ZC3H13: variants seen among roughly 807,000 people sequenced by gnomAD.
ZC3H13 encodes the protein zinc finger CCCH domain-containing protein 13.
ZC3H13 carries 64 observed loss-of-function variants against 204.1 expected under a neutral mutation model. The observed-to-expected ratio is 0.31, with a 90% CI of 0.26 to 0.39. ZC3H13 has a LOEUF of 0.39. Ranked by LOEUF, ZC3H13 falls within the 10% of genes least tolerant of loss-of-function variation. The probability of loss-of-function intolerance (pLI) is 1.00; values close to 1 mark genes in which losing one functional copy is unlikely to be tolerated. For missense variants in ZC3H13, 1,833 were observed against 2,082.7 expected (o/e 0.88, Z 2.33); for synonymous variants, 667 against 693.7 (o/e 0.96, Z 0.60).
At chr13:45,989,133 C>A in intron 8 of ZC3H13, 36 bp from the exon 9 acceptor site, 1 of 1,568,276 alleles carries the variant, frequency 6.4e-7, no homozygotes, top group South Asian at 1.2e-5. Context: ...AACATGTATT[C>A]AAGAGCTTCA....
chr13:46,040,977 G>A (rs937453565), intron 4 of ZC3H13, among the ~76,000 whole-genome samples: 4 of 152,140 alleles, frequency 2.6e-5, no homozygotes, highest in African/African-American at 9.7e-5. Flanking sequence ...TTCATATGCT[G>A]TCAACAATGT....
intron 1 of ZC3H13, among the ~76,000 whole-genome samples, chr13:46,050,934 C>G (rs761549267): frequency 5.9e-5 from 9 of 152,038 alleles, no homozygotes; most frequent in Non-Finnish European, 1.3e-4. Context: ...CTTTCTATAT[C>G]AACAGCAGTT....
chr13:45,991,825 C>T (rs957459315), intron 8 of ZC3H13, among the ~76,000 whole-genome samples: 14 of 152,030 alleles, frequency 9.2e-5, no homozygotes, highest in Admixed American at 2.6e-4. Context: ...TTTAGTGCTG[C>T]TATAATTAGG....
At chr13:45,991,505 T>C (rs2039969422) in intron 8 of ZC3H13, among the ~76,000 whole-genome samples, 1 of 152,212 alleles carries the variant, frequency 6.6e-6, no homozygotes, top group African/African-American at 2.4e-5. Flanking sequence ...GAAACTGTCT[T>C]GAAATCTGGT....
chr13:45,985,505 G>A lies in ZC3H13; in HGVS notation c.1512C>T (p.Ala504=). ...DPRDSRSTRD[A]HDYRDREGRD... Reference sequence around the variant, plus strand: ...GACCTTCACGGTCCCTGTAGTCATGGGCATCACGAGTGGACCGAGAATCTC... The same window carrying A: ...GACCTTCACGGTCCCTGTAGTCATGAGCATCACGAGTGGACCGAGAATCTC... Residue 504 remains alanine, a synonymous_variant, in exon 10 of 19, where the codon GCC becomes GCT. Transcript: ENST00000679008. 6.2e-7 allele frequency: 1 copy of A among 1,614,126 alleles called. No homozygotes were observed. Among genetic ancestry groups the A allele is most frequent in the South Asian group, 1.1e-5 (1 of 91,080 alleles).
At chr13:45,968,318 C>A (rs1169925444) in intron 14 of ZC3H13, among the ~76,000 whole-genome samples, 3 of 151,496 alleles carry the variant, frequency 2.0e-5, no homozygotes, top group African/African-American at 4.8e-5. Context: ...CATAAAATAT[C>A]TTCCAAGAAG....
At chr13:46,001,564 C>A (rs1023691464) in intron 8 of ZC3H13, 4 of 152,012 alleles carry the variant, frequency 2.6e-5, no homozygotes, top group Non-Finnish European at 2.9e-5. Context: ...TTAGGGATAA[C>A]CAAGGGAGAA....
intron 4 of ZC3H13, among the ~76,000 whole-genome samples, chr13:46,024,105 A>C (rs572403103): frequency 6.6e-6 from 1 of 152,326 alleles, no homozygotes; most frequent in South Asian, 2.1e-4. Context: ...AATTCCCCAA[A>C]TCACAATGCT....
intron 17 of ZC3H13, 44 bp from the exon 18 acceptor site, chr13:45,959,690 A>G (rs749447967): frequency 1.4e-6 from 2 of 1,473,194 alleles, no homozygotes; most frequent in South Asian, 2.8e-5. Context: ...ACTAAAATAG[A>G]AAAGGGTTAC....
chr13:45,993,582 G>A (rs2040118775), intron 8 of ZC3H13, among the ~76,000 whole-genome samples: 1 of 152,170 alleles, frequency 6.6e-6, no homozygotes, highest in Non-Finnish European at 1.5e-5. Flanking sequence ...TAAAAGTCTG[G>A]ATTTTATTCT....
chr13:46,046,932 C>T (rs2044011320), intron 1 of ZC3H13, among the ~76,000 whole-genome samples: 4 of 152,136 alleles, frequency 2.6e-5, no homozygotes, highest in Admixed American at 1.3e-4. Flanking sequence ...TACTATATCC[C>T]GCTTTATACA....
rs77425383 is a variant in ZC3H13 at position 45,980,075 on chromosome 13, T to C, written c.1721-71A>G. ...TCAACAAATTTCATCAGTCATAATC[T>C]TTCCTCCTAAACATCACTAATATAT... On this transcript the variant is annotated intron_variant, in intron 10 of 18. Coordinates refer to ENST00000679008, the MANE Select transcript of ZC3H13 (RefSeq NM_001330564.2). 2.7e-3 allele frequency: 3,641 copies of C among 1,335,036 alleles called. 81 individuals carry two copies. In the African/African-American group the frequency reaches 0.049, roughly 18 times the overall value. The allele number at this position is 1,335,036 out of a possible 1,614,324, so 82.7% of individuals were successfully genotyped here. A position where few individuals can be genotyped will look rare whatever the true frequency, so the allele number is the denominator to read the frequency against.
rs141611762 is a variant in ZC3H13 at position 45,964,009 on chromosome 13, C to T, written c.4508G>A (p.Gly1503Asp). 3.7e-6 allele frequency: 6 copies of T among 1,613,868 alleles called. No homozygotes were observed. In the African/African-American group the frequency reaches 4.0e-5, roughly 11 times the overall value. ...TTCTTTTGGATGCTTTGGCATAAGA[C>T]CAGACCAATCCACATCTATCACATC... ...PLDVIDVDWS[G>D]LMPKHPKEPR... Residue 1503 changes from glycine (G) to aspartate (D), a missense_variant, in exon 17 of 19, where the codon GGT (glycine) becomes GAT (aspartate). Gly to Asp is a moderately conservative substitution (Grantham distance 94). Transcript: ENST00000679008.
Position 45,968,949 on chromosome 13 carries a change from G to A in ZC3H13, c.3595C>T (p.Arg1199Cys), listed in dbSNP as rs889890136. Reference sequence around the variant, plus strand: ...CGAAGACGACCAGACGTATGACTACGGTTACTCCGATTGCTCCCGAGGCTG... The same window carrying A: ...CGAAGACGACCAGACGTATGACTACAGTTACTCCGATTGCTCCCGAGGCTG... ...SSSLGSNRSN[R>C]SHTSGRLRSP... Residue 1199 changes from arginine to cysteine, a missense_variant, in exon 14 of 19, where the codon CGT (arginine) becomes TGT (cysteine). By Grantham distance (180) the Arg-to-Cys change is radical. This residue lies in a region of ZC3H13 where 1,574 missense variants were observed against 1,757.2 expected (regional missense o/e 0.90). Coordinates refer to ENST00000679008, the MANE Select transcript of ZC3H13 (RefSeq NM_001330564.2). 1.9e-5 allele frequency: 30 copies of A among 1,614,048 alleles called. No homozygotes were observed. Among genetic ancestry groups the A allele is most frequent in the Admixed American group, 1.5e-4 (9 of 59,994 alleles).
rs74625332 is a variant in ZC3H13, at chr13:46,039,528, T to C, written c.339+2636A>G. ...GGAGACAAGAAGAAGAGTTTAACAA[T>C]TCCTAAAGTAATATGCTCTAAATAT... is the stretch of plus-strand genomic sequence containing the variant. On this transcript the variant is annotated intron_variant, in intron 4 of 18. Coordinates refer to ENST00000679008, the MANE Select transcript of ZC3H13 (RefSeq NM_001330564.2). 8.5e-3 allele frequency among the ~76,000 whole-genome samples: 1,298 copies of C among 152,322 alleles called. 41 individuals are homozygous for C. The highest frequency in any genetic ancestry group is 0.061 in the Admixed American group (940 of 15,296).
intron 4 of ZC3H13, among the ~76,000 whole-genome samples, chr13:46,024,652 T>C (rs549046739): frequency 7.2e-5 from 11 of 152,264 alleles, no homozygotes; most frequent in African/African-American, 2.6e-4. Flanking sequence ...GCACATCTCG[T>C]ATCTGTAGAT....
chr13:45,977,405 G>A, intron 11 of ZC3H13, among the ~76,000 whole-genome samples: 1 of 152,256 alleles, frequency 6.6e-6, no homozygotes, highest in East Asian at 1.9e-4. Flanking sequence ...TTTTATGGGA[G>A]ATGTATTTTC....
At chr13:45,962,773 C>T (rs1020398766) in intron 17 of ZC3H13, 19 of 985,160 alleles carry the variant, frequency 1.9e-5, no homozygotes, top group African/African-American at 1.0e-4. Flanking sequence ...AGGGACATGA[C>T]GTAAAATTGT....
At chr13:45,964,633 A>T (rs1951939088) in intron 16 of ZC3H13, among the ~76,000 whole-genome samples, 1 of 152,216 alleles carries the variant, frequency 6.6e-6, no homozygotes, top group Non-Finnish European at 1.5e-5. Context: ...ATTGCAAAAT[A>T]TAAGAGCAAA....
Sources: gnomAD v4.1 joint callset for allele counts (sites outside exome capture counted in the v4.1 genomes callset) on GRCh38, gnomAD v4.1.1 for gene constraint, gnomAD v4.1.1 regional missense constraint, MANE v1.5 for transcripts, NCBI Gene and HGNC (gene_info 2026-07-23, HGNC 2026-07-21) for gene names.